The following EPAS1 variants were observed in gnomAD, a reference collection of about 807,000 sequenced individuals.
The protein encoded by EPAS1 is endothelial PAS domain protein 1.
EPAS1 carries 23 observed loss-of-function variants against 87.9 expected under a neutral mutation model. The observed-to-expected ratio is 0.26, with a 90% CI of 0.19 to 0.37. The LOEUF is 0.37. Ranked by LOEUF, EPAS1 falls within the 10% of genes least tolerant of loss-of-function variation. The probability of loss-of-function intolerance (pLI) is 1.00; values close to 1 mark genes in which losing one functional copy is unlikely to be tolerated. For missense variants in EPAS1, 1,138 were observed against 1,120.7 expected, an observed-to-expected ratio of 1.02 and a Z score of -0.22; for synonymous variants, 508 against 444.3, an observed-to-expected ratio of 1.14 and a Z score of -1.80.
At chr2:46,363,115 T>C (rs753549175) in intron 6 of EPAS1, among the ~76,000 whole-genome samples, 1 of 152,174 alleles carries the variant, frequency 6.6e-6, no homozygotes, top group Non-Finnish European at 1.5e-5. Flanking sequence ...ATGCAGTCTT[T>C]GTATTCAGGT....
chr2:46,359,085 C>T (rs1344899699), intron 4 of EPAS1, among the ~76,000 whole-genome samples: 1 of 151,610 alleles, frequency 6.6e-6, no homozygotes, highest in Non-Finnish European at 1.5e-5. Context: ...ATGGTGAAAC[C>T]CCATCTCTAC....
In EPAS1 at chr2:46,382,604, T is replaced by C. The variant is rs1684925399; in HGVS notation, c.2461+6T>C. The C allele has an allele frequency of 6.2e-7, 1 of 1,613,980 alleles. No individual in the cohort carries two copies. Among genetic ancestry groups the C allele is most frequent in the African/African-American group, 1.3e-5 (1 of 75,026 alleles). On this transcript the variant is annotated splice_donor_region_variant and intron_variant, in intron 15 of 15. Transcript: ENST00000263734. ...GTCAGCCCACAAGGTGTCAGGTGGG[T>C]GTGCCCAGGATCTGTCACCCCCATC...
intron 1 of EPAS1, among the ~76,000 whole-genome samples, chr2:46,301,363 T>A (rs1246331247): frequency 6.6e-6 from 1 of 151,996 alleles, no homozygotes; most frequent in Non-Finnish European, 1.5e-5. Context: ...TCACCTGAGG[T>A]CAGGAGTTCA....
intron 1 of EPAS1, among the ~76,000 whole-genome samples, chr2:46,325,228 T>C (rs1325024556): frequency 2.0e-5 from 3 of 152,230 alleles, no homozygotes; most frequent in Admixed American, 6.5e-5. Flanking sequence ...TAATATGGGA[T>C]TTTAAAACCA....
At chr2:46,372,405 C>A (rs906368687) in intron 7 of EPAS1, among the ~76,000 whole-genome samples, 1 of 152,176 alleles carries the variant, frequency 6.6e-6, no homozygotes, top group African/African-American at 2.4e-5. Context: ...TGAGACAGGT[C>A]CAGATTCACA....
chr2:46,324,956 A>G (rs999952741), intron 1 of EPAS1, among the ~76,000 whole-genome samples: 3 of 152,242 alleles, frequency 2.0e-5, no homozygotes, highest in African/African-American at 7.2e-5. Flanking sequence ...TGGACTGGGC[A>G]GTTCCCCATT....
At chr2:46,379,980 C>T (rs1046888972) in intron 11 of EPAS1, 5 of 611,030 alleles carry the variant, frequency 8.2e-6, no homozygotes, top group Non-Finnish European at 1.5e-5. Flanking sequence ...GAGAGGAGAA[C>T]ATTTCTCAAT....
chr2:46,358,339 C>A (rs1684311820), intron 4 of EPAS1, among the ~76,000 whole-genome samples: 1 of 152,214 alleles, frequency 6.6e-6, no homozygotes, highest in Admixed American at 6.5e-5. Flanking sequence ...CTGTAGGCTG[C>A]TCAGTGTCTT....
chr2:46,386,629 G>C lies in EPAS1; in HGVS notation c.*1969G>C, dbSNP rs1236353931. 6.5e-6 allele frequency: 1 copy of C among 152,776 alleles called. No homozygotes were observed. The highest frequency in any genetic ancestry group is 1.9e-4 in the East Asian group (1 of 5,182). 9.5% of individuals were successfully genotyped at this position (152,776 alleles called of 1,614,324 possible). On this transcript the variant is annotated 3_prime_UTR_variant, in exon 16 of 16. Transcript: ENST00000263734. ...AATTCCTACTGACAACATTATAACTGTATGGGAGCTTAACTTTATAAGGAA... is the reference window on the plus strand; with the variant it reads ...AATTCCTACTGACAACATTATAACTCTATGGGAGCTTAACTTTATAAGGAA...
chr2:46,356,752 A>T lies in EPAS1; in HGVS notation c.398A>T (p.Asp133Val). The T allele has an allele frequency of 6.2e-7, 1 of 1,614,006 alleles. No homozygotes were observed. The highest frequency in any genetic ancestry group is 8.5e-7 in the Non-Finnish European group (1 of 1,179,852). Residue 133 changes from aspartate to valine, a missense_variant, in exon 4 of 16, where the codon GAC (aspartate) becomes GTC (valine). Around this residue, in one of 4 missense-constraint regions of EPAS1, gnomAD observed 351 missense variants for 417.1 expected, o/e 0.84. Transcript: ENST00000263734. ...GAGCTAACAGGACATAGTATCTTTG[A>T]CTTCACTCATCCCTGCGACCATGAG... Reference protein sequence around the residue: ...QVELTGHSIFDFTHPCDHEEI... With the variant: ...QVELTGHSIFVFTHPCDHEEI...
At chr2:46,343,974 C>T (rs1180054222) in intron 1 of EPAS1, among the ~76,000 whole-genome samples, 1 of 152,238 alleles carries the variant, frequency 6.6e-6, no homozygotes, top group Non-Finnish European at 1.5e-5. Flanking sequence ...TAGGGATCCC[C>T]TGTGTGTTTC....
chr2:46,383,186 T>G (rs920906391), intron 15 of EPAS1, among the ~76,000 whole-genome samples: 3 of 152,200 alleles, frequency 2.0e-5, no homozygotes, highest in African/African-American at 7.2e-5. Context: ...TCCCGGAGCC[T>G]TGCCCCTTCC....
intron 6 of EPAS1, among the ~76,000 whole-genome samples, chr2:46,363,677 C>T (rs76013164): frequency 6.6e-6 from 1 of 152,292 alleles, no homozygotes; most frequent in Non-Finnish European, 1.5e-5. Context: ...AGAGTAGCTT[C>T]TGGCTTAAAG....
At chr2:46,367,644 G>A (rs909530436) in intron 6 of EPAS1, among the ~76,000 whole-genome samples, 4 of 152,176 alleles carry the variant, frequency 2.6e-5, no homozygotes, top group East Asian at 1.9e-4. Context: ...GCCAAGCGAC[G>A]GGACAGATCC....
chr2:46,356,098 A>T, intron 2 of EPAS1, 53 bp from the exon 3 acceptor site: 1 of 1,522,462 alleles, frequency 6.6e-7, no homozygotes, highest in Non-Finnish European at 9.1e-7. Flanking sequence ...TGCCAGTCCC[A>T]TCTGTTTTCA....
chr2:46,376,283 T>C (rs1034912507), intron 8 of EPAS1, among the ~76,000 whole-genome samples: 38 of 152,322 alleles, frequency 2.5e-4, no homozygotes, highest in African/African-American at 8.9e-4. Flanking sequence ...AGGCCTCATA[T>C]ATACCACCCC....
At chr2:46,350,105 A>T (rs1453455210) in intron 2 of EPAS1, among the ~76,000 whole-genome samples, 1 of 152,232 alleles carries the variant, frequency 6.6e-6, no homozygotes, top group Non-Finnish European at 1.5e-5. Context: ...ATGAACAAAT[A>T]TATTGATTTA....
At position 46,381,292 on chromosome 2, in the gene EPAS1, G is replaced by T. The variant is rs556169125; in HGVS notation, c.2046-304G>T. Reference sequence around the variant, plus strand: ...TATAGAGCAGCCAAACTAGTTTTCAGTGGGAGCAAAAGGCAGAGGAGAGAC... The same window carrying T: ...TATAGAGCAGCCAAACTAGTTTTCATTGGGAGCAAAAGGCAGAGGAGAGAC... On this transcript the variant is annotated intron_variant, in intron 12 of 15. Coordinates refer to ENST00000263734, the MANE Select transcript of EPAS1 (RefSeq NM_001430.5). 2.9e-5 allele frequency: 13 copies of T among 445,428 alleles called. No individual in the cohort carries two copies. In the Admixed American group the frequency reaches 3.4e-4, roughly 12 times the overall value. The allele number at this position is 445,428 out of a possible 1,614,324, so 27.6% of individuals were successfully genotyped here.
intron 1 of EPAS1, among the ~76,000 whole-genome samples, chr2:46,332,271 C>CATAA: frequency 1.4e-5 from 1 of 72,972 alleles, no homozygotes; most frequent in African/African-American, 6.3e-5. Flanking sequence ...TGGTGTTTCA[C>CATAA]AGAAAAAAAA....
Sources: allele counts gnomAD v4.1 joint callset (sites outside exome capture counted in the v4.1 genomes callset), GRCh38; gene constraint gnomAD v4.1.1; regional missense constraint gnomAD v4.1.1; transcripts MANE v1.5; gene names NCBI Gene and HGNC (gene_info 2026-07-23, HGNC 2026-07-21).